The following ACSM3 variants were observed in gnomAD, a reference collection of about 807,000 sequenced individuals.
ACSM3 encodes acyl-coenzyme A synthetase ACSM3, mitochondrial.
ACSM3 carries 61 observed loss-of-function variants against 74.1 expected under a neutral mutation model. That is an observed-to-expected ratio of 0.82 (90% CI 0.67 to 1.02). The LOEUF (loss-of-function observed/expected upper bound fraction) is 1.02. Among genes scored for constraint, ACSM3 ranks in the 50% least tolerant of loss-of-function variants. The pLI is 0.00. For synonymous variants in ACSM3, 213 were observed against 241.5 expected (o/e 0.88, Z 1.09); for missense variants, 660 against 697.0 (o/e 0.95, Z 0.60).
chr16:20,768,293 C>G (rs975959838), intron 1 of ACSM3, among the ~76,000 whole-genome samples: 1 of 152,144 alleles, frequency 6.6e-6, no homozygotes, highest in African/African-American at 2.4e-5. Flanking sequence ...ACTGGGAGAC[C>G]ATATCACATG....
intron 1 of ACSM3, chr16:20,749,559 A>G (rs2079973661): frequency 6.6e-6 from 1 of 152,244 alleles, no homozygotes; most frequent in Non-Finnish European, 1.5e-5. Flanking sequence ...TCCTTGGTTG[A>G]TATTCCCCTC....
At chr16:20,785,198 AG>A (rs1381046152) in intron 8 of ACSM3, 91 bp downstream of exon 8, 2 of 1,524,630 alleles carry the variant, frequency 1.3e-6, no homozygotes, top group Non-Finnish European at 1.8e-6. Context: ...TGATTATTTG[AG>A]GGATAGGAGT....
chr16:20,714,275 A>C (rs2079753556), intron 1 of ACSM3, among the ~76,000 whole-genome samples: 1 of 151,830 alleles, frequency 6.6e-6, no homozygotes, highest in Non-Finnish European at 1.5e-5. Flanking sequence ...GCTAGAGAAC[A>C]AAATATGGAG....
intron 1 of ACSM3, among the ~76,000 whole-genome samples, chr16:20,689,244 A>G (rs1340912203): frequency 1.3e-5 from 2 of 152,006 alleles, no homozygotes; most frequent in Non-Finnish European, 2.9e-5. Context: ...ATAGATTGCT[A>G]GAACTACAAG....
intron 1 of ACSM3, among the ~76,000 whole-genome samples, chr16:20,732,607 G>C (rs973311839): frequency 1.3e-5 from 2 of 152,114 alleles, no homozygotes; most frequent in Non-Finnish European, 2.9e-5. Context: ...CCACTTTCTA[G>C]AACAGTAGAG....
intron 6 of ACSM3, 120 bp from the exon 7 acceptor site, chr16:20,781,588 A>T: frequency 1.3e-6 from 1 of 795,728 alleles, no homozygotes; most frequent in Non-Finnish European, 2.1e-6. Context: ...CTACAAGAAA[A>T]GGTAAGAATG....
At chr16:20,708,811 A>C (rs1256072306) in intron 1 of ACSM3, among the ~76,000 whole-genome samples, 1 of 152,224 alleles carries the variant, frequency 6.6e-6, no homozygotes, top group Non-Finnish European at 1.5e-5. Flanking sequence ...AATACTCCAA[A>C]TATGCTTGAA....
chr16:20,789,955 T>G (rs2080560939), intron 9 of ACSM3, among the ~76,000 whole-genome samples: 1 of 151,802 alleles, frequency 6.6e-6, no homozygotes, highest in Admixed American at 6.6e-5. Flanking sequence ...ATTACAGGCA[T>G]GAGCCACTGC....
intron 1 of ACSM3, among the ~76,000 whole-genome samples, chr16:20,695,211 G>A (rs931881141): frequency 3.3e-5 from 5 of 152,222 alleles, no homozygotes; most frequent in Admixed American, 2.6e-4. Flanking sequence ...CAAACAACAC[G>A]GGCTCAAATT....
chr16:20,739,195 A>T, intron 1 of ACSM3: 1 of 960,478 alleles, frequency 1.0e-6, no homozygotes, highest in Non-Finnish European at 1.5e-6. Context: ...TTTTTTCTAA[A>T]GATGGAGTCT....
intron 1 of ACSM3, among the ~76,000 whole-genome samples, chr16:20,744,183 G>C (rs1818927163): frequency 6.6e-6 from 1 of 152,168 alleles, no homozygotes; most frequent in Non-Finnish European, 1.5e-5. Flanking sequence ...TATATTTTAT[G>C]GGTGGCCCAA....
intron 3 of ACSM3, among the ~76,000 whole-genome samples, chr16:20,755,779 T>C (rs867662279): frequency 0.02 from 915 of 46,160 alleles, no homozygotes; most frequent in Admixed American, 0.025. Context: ...ATGCTATCCC[T>C]CCCCCCCCCC....
intron 1 of ACSM3, among the ~76,000 whole-genome samples, chr16:20,701,944 G>C (rs1197377895): frequency 6.6e-6 from 1 of 152,194 alleles, no homozygotes. Context: ...GTCTAGCATG[G>C]ATGGGCATTC....
At chr16:20,792,483 C>T in intron 12 of ACSM3, 148 bp downstream of exon 12, 1 of 1,486,970 alleles carries the variant, frequency 6.7e-7, no homozygotes, top group East Asian at 2.4e-5. Flanking sequence ...GAAAGAACTG[C>T]TACAAAATAA....
At chr16:20,686,067 T>C (rs1161360252) in intron 1 of ACSM3, among the ~76,000 whole-genome samples, 3 of 152,036 alleles carry the variant, frequency 2.0e-5, no homozygotes, top group Admixed American at 6.6e-5. Flanking sequence ...CAATAATTAT[T>C]ACCTAGAAAG....
intron 1 of ACSM3, among the ~76,000 whole-genome samples, chr16:20,716,895 G>T (rs2079763812): frequency 1.3e-5 from 2 of 152,202 alleles, no homozygotes; most frequent in Admixed American, 6.5e-5. Context: ...GAATCATGGA[G>T]CTATCTTTGT....
chr16:20,744,209 A>G (rs2079948606), intron 1 of ACSM3, among the ~76,000 whole-genome samples: 1 of 152,230 alleles, frequency 6.6e-6, no homozygotes, highest in South Asian at 2.1e-4. Flanking sequence ...TTCTTCTTCC[A>G]AGGAAGCCAA....
intron 2 of ACSM3, among the ~76,000 whole-genome samples, chr16:20,775,484 C>A (rs1354255614): frequency 6.6e-6 from 1 of 152,156 alleles, no homozygotes; most frequent in Admixed American, 6.5e-5. Flanking sequence ...TCCCTCTGGG[C>A]TCTGTGCTGA....
At position 20,776,447 on chromosome 16, in the gene ACSM3, C is replaced by T. The variant is rs377653360; in HGVS notation, c.430+398C>T. Reference sequence around the variant, plus strand: ...TCCCCAATCTTCTTGCCTACTGTGTCGCCTGGGAAGAGTAAAACCTATTGT... The same window carrying T: ...TCCCCAATCTTCTTGCCTACTGTGTTGCCTGGGAAGAGTAAAACCTATTGT... On this transcript the variant is annotated intron_variant, in intron 3 of 13. Coordinates refer to ENST00000289416, the MANE Select transcript of ACSM3 (RefSeq NM_005622.4). Among the ~76,000 whole-genome samples, 26 of 152,256 alleles carry T rather than the reference C, an allele frequency of 1.7e-4. No individual in the cohort carries two copies. In the East Asian group the frequency reaches 4.0e-3, roughly 24 times the overall value.
Sources: allele counts gnomAD v4.1 joint callset (sites outside exome capture counted in the v4.1 genomes callset), GRCh38; gene constraint gnomAD v4.1.1; transcripts MANE v1.5; gene names NCBI Gene and HGNC (gene_info 2026-07-23, HGNC 2026-07-21).